Variants in MED29 observed in about 807,000 individuals in gnomAD.
MED29 encodes mediator complex subunit 29, also known as mediator of RNA polymerase II transcription subunit 29.
A neutral mutation model predicts 22.0 loss-of-function variants in MED29; 14 were observed. That is an observed-to-expected ratio of 0.64 (90% CI 0.42 to 0.99). The LOEUF (loss-of-function observed/expected upper bound fraction) is 0.99. Among genes scored for constraint, MED29 ranks in the 50% least tolerant of loss-of-function variants. The probability of loss-of-function intolerance (pLI) is 0.00; values close to 1 mark genes in which losing one functional copy is unlikely to be tolerated. For synonymous variants in MED29, 123 were observed against 107.8 expected, an observed-to-expected ratio of 1.14 and a Z score of -0.87; for missense variants, 241 against 253.7, an observed-to-expected ratio of 0.95 and a Z score of 0.34.
rs777308461 is a variant in MED29, at chr19:39,397,717, G to C, written c.*18G>C. ...CTCTGTGAAGTGGGGGACAGGGAGT[G>C]GGGCAGGCAGTGGTTGGTGGGTGGT... On this transcript the variant is annotated 3_prime_UTR_variant, in exon 4 of 4. Coordinates refer to ENST00000315588, the MANE Select transcript of MED29 (RefSeq NM_017592.4). 2 of 1,600,170 alleles carry C rather than the reference G, an allele frequency of 1.2e-6. No individual in the cohort carries two copies. Among genetic ancestry groups the C allele is most frequent in the South Asian group, 2.2e-5 (2 of 90,866 alleles).
rs2078435990 is a variant in MED29, at chr19:39,397,626, C to T, written c.530C>T (p.Ala177Val). The T allele has an allele frequency of 1.2e-6, 2 of 1,613,588 alleles. No homozygotes were observed. The highest frequency in any genetic ancestry group is 1.7e-6 in the Non-Finnish European group (2 of 1,180,000). Residue 177 changes from alanine (A) to valine (V), a missense_variant, in exon 4 of 4, where the codon GCC becomes GTC. Transcript: ENST00000315588. Reference sequence around the variant, plus strand: ...TCCTGTGCCAAGGACATTCACACCGCCCTGCTGGACTGTGCCAACAAGGTC... The same window carrying T: ...TCCTGTGCCAAGGACATTCACACCGTCCTGCTGGACTGTGCCAACAAGGTC... Reference protein sequence around the residue: ...QISCAKDIHTALLDCANKVTG... With the variant: ...QISCAKDIHTVLLDCANKVTG...
rs2078377582 is a variant in MED29 at position 39,391,458 on chromosome 19, C to T, written c.36C>T (p.Ser12=). ...AASQQQASAA[S]SAAGVSGPSS... Reference sequence around the variant, plus strand: ...CCCAGCAGCAAGCTTCAGCGGCTTCCTCAGCTGCTGGTGTATCGGGTCCTA... The same window carrying T: ...CCCAGCAGCAAGCTTCAGCGGCTTCTTCAGCTGCTGGTGTATCGGGTCCTA... The change falls in exon 1 of 4, where the codon TCC becomes TCT. Residue 12 remains serine, a synonymous_variant. Coordinates refer to ENST00000315588, the MANE Select transcript of MED29 (RefSeq NM_017592.4). 3 of 1,613,420 alleles carry T rather than the reference C, an allele frequency of 1.9e-6. No homozygotes were observed. Among genetic ancestry groups the T allele is most frequent in the African/African-American group, 1.3e-5 (1 of 74,938 alleles).
In MED29 at chr19:39,397,528, C is replaced by T. The variant is rs368745677; in HGVS notation, c.432C>T (p.Ala144=). The change falls in exon 4 of 4, where the codon GCC becomes GCT. Residue 144 remains alanine (A), a synonymous_variant. Coordinates refer to ENST00000315588, the MANE Select transcript of MED29 (RefSeq NM_017592.4). ...AKHSPTLVPT[A]TKPDAVQPDS... is the part of the protein sequence containing the mutation. ...ACTCTCCAACGTTGGTGCCCACAGC[C>T]ACCAAGCCCGACGCAGTGCAGCCTG... is the stretch of plus-strand genomic sequence containing the variant. The T allele has an allele frequency of 1.2e-6, 2 of 1,612,788 alleles. No individual in the cohort carries two copies. Among genetic ancestry groups the T allele is most frequent in the Admixed American group, 1.7e-5 (1 of 60,012 alleles).
intron 1 of MED29, among the ~76,000 whole-genome samples, chr19:39,391,936 A>G (rs1286379821): frequency 2.6e-5 from 4 of 152,172 alleles, no homozygotes; most frequent in South Asian, 2.1e-4. Flanking sequence ...GAGGCAGGAG[A>G]ATCGCTTGAA....
chr19:39,391,716 G>T (rs754759087), intron 1 of MED29, 78 bp downstream of exon 1: 14 of 1,475,126 alleles, frequency 9.5e-6, no homozygotes, highest in African/African-American at 1.4e-5. Flanking sequence ...GTTAGTCGGA[G>T]AGAGCGCTAA....
Position 39,391,429 on chromosome 19 carries a change from G to A in MED29, c.7G>A (p.Ala3Thr). ...GGCGGTCTACGCGAGGAAGATGGCT[G>A]CATCCCAGCAGCAAGCTTCAGCGGC... MA[A>T]SQQQASAASS... Residue 3 changes from alanine (A) to threonine (T), a missense_variant, in exon 1 of 4, where the codon GCA becomes ACA. Physicochemically the swap from Ala to Thr is moderately conservative, Grantham distance 58. Coordinates refer to ENST00000315588, the MANE Select transcript of MED29 (RefSeq NM_017592.4). 1 of 1,612,502 alleles carries A rather than the reference G, an allele frequency of 6.2e-7. No homozygotes were observed. The highest frequency in any genetic ancestry group is 1.7e-5 in the Admixed American group (1 of 59,986).
At chr19:39,396,896 C>T (rs1479232867) in intron 3 of MED29, among the ~76,000 whole-genome samples, 1 of 151,468 alleles carries the variant, frequency 6.6e-6, no homozygotes, top group African/African-American at 2.4e-5. Flanking sequence ...GGTGTGGTGG[C>T]GGGTGCCTGT....
Position 39,397,902 on chromosome 19 carries a change from A to G in MED29, c.*203A>G. On this transcript the variant is annotated 3_prime_UTR_variant, in exon 4 of 4. Coordinates refer to ENST00000315588, the MANE Select transcript of MED29 (RefSeq NM_017592.4). The stretch of plus-strand genomic sequence containing the variant: ...GCCCCTTCTTCCTGCTCCCCCTCCT[A>G]GCCTAGGGTAGACTTTGAACTGTGT... 2.5e-6 allele frequency: 2 copies of G among 798,778 alleles called. No homozygotes were observed. The highest frequency in any genetic ancestry group is 1.8e-5 in the South Asian group (1 of 54,454). The allele number at this position is 798,778 out of a possible 1,614,324, so 49.5% of individuals were successfully genotyped here.
In MED29 at chr19:39,400,093, T is replaced by A. The variant is rs193293164; in HGVS notation, c.*2394T>A. ...AAAAATGAGATCAGAAGTGGAGATG[T>A]TGGGGCCAGGCACAGTGGCCCAGGC... On this transcript the variant is annotated 3_prime_UTR_variant, in exon 4 of 4. Transcript: ENST00000315588. 1 of 152,198 alleles carries A rather than the reference T, an allele frequency of 6.6e-6. No individual in the cohort carries two copies. Among genetic ancestry groups the A allele is most frequent in the Non-Finnish European group, 1.5e-5 (1 of 68,034 alleles). 9.4% of individuals were successfully genotyped at this position (152,198 alleles called of 1,614,324 possible). A position where few individuals can be genotyped will look rare whatever the true frequency, so the allele number is the denominator to read the frequency against.
At position 39,397,811 on chromosome 19, in the gene MED29, C is replaced by A; in HGVS notation, c.*112C>A. ...CTCCTCTCTTCCTGCCTGAGCACCG[C>A]AGCGGGAGCCAGCAGGGGGCAGCAG... On this transcript the variant is annotated 3_prime_UTR_variant, in exon 4 of 4. Coordinates refer to ENST00000315588, the MANE Select transcript of MED29 (RefSeq NM_017592.4). 6.8e-7 allele frequency: 1 copy of A among 1,470,414 alleles called. No individual in the cohort carries two copies. The highest frequency in any genetic ancestry group is 9.0e-7 in the Non-Finnish European group (1 of 1,105,986). The allele number at this position is 1,470,414 out of a possible 1,614,324, so 91.1% of individuals were successfully genotyped here.
Position 39,399,221 on chromosome 19 carries a change from C to T in MED29, c.*1522C>T, listed in dbSNP as rs2078447572. On this transcript the variant is annotated 3_prime_UTR_variant, in exon 4 of 4. Transcript: ENST00000315588. ...GTGTTTGAATAACTGGGACTGTAGC[C>T]CGTCCAAGTTGACACATAAAACTGA... 1 of 152,214 alleles carries T rather than the reference C, an allele frequency of 6.6e-6. No individual in the cohort carries two copies. Among genetic ancestry groups the T allele is most frequent in the African/African-American group, 2.4e-5 (1 of 41,446 alleles). The allele number at this position is 152,214 out of a possible 1,614,324, so 9.4% of individuals were successfully genotyped here.
At chr19:39,391,999 T>G (rs2078386148) in intron 1 of MED29, among the ~76,000 whole-genome samples, 1 of 152,168 alleles carries the variant, frequency 6.6e-6, no homozygotes, top group South Asian at 2.1e-4. Flanking sequence ...CACTCCAGCC[T>G]GGGCAACAGA....
chr19:39,393,072 CTTTCTTTTCTTTTTTTTTTTTTTTTT>C (rs1323721865), intron 2 of MED29, among the ~76,000 whole-genome samples: 15 of 86,128 alleles, frequency 1.7e-4, no homozygotes, highest in African/African-American at 5.6e-4. Flanking sequence ...TTCTTTCTTT[CTTTCTTTTCTTTTTTTTTTTTTTTTT>C]TTTTTTTTTT....
At chr19:39,391,960 G>A (rs1181603446) in intron 1 of MED29, among the ~76,000 whole-genome samples, 2 of 152,202 alleles carry the variant, frequency 1.3e-5, no homozygotes, top group African/African-American at 2.4e-5. Flanking sequence ...AGGAGGCGGA[G>A]GTTGCAGTGA....
chr19:39,392,624 C>CTTTTT (rs11432802), intron 2 of MED29, 102 bp downstream of exon 2: 245 of 520,098 alleles, frequency 4.7e-4, no homozygotes, highest in African/African-American at 1.2e-3. Flanking sequence ...TCTATATTTA[C>CTTTTT]TTTTTTTTTT....
Position 39,397,911 on chromosome 19 carries a change from TA to T in MED29, c.*213del, listed in dbSNP as rs2078438782. On this transcript the variant is annotated 3_prime_UTR_variant, in exon 4 of 4. Coordinates refer to ENST00000315588, the MANE Select transcript of MED29 (RefSeq NM_017592.4). ...TCCTGCTCCCCCTCCTAGCCTAGGG[TA>T]GACTTTGAACTGTGTGTGTTGATGA... 6.5e-6 allele frequency: 5 copies of T among 770,784 alleles called. No homozygotes were observed. The highest frequency in any genetic ancestry group is 1.0e-5 in the Non-Finnish European group (5 of 492,310). 47.7% of individuals were successfully genotyped at this position (770,784 alleles called of 1,614,324 possible). A position where few individuals can be genotyped will look rare whatever the true frequency, so the allele number is the denominator to read the frequency against.
intron 2 of MED29, 30 bp downstream of exon 2, chr19:39,392,552 C>T: frequency 6.3e-7 from 1 of 1,590,088 alleles, no homozygotes; most frequent in Non-Finnish European, 8.6e-7. Context: ...CCAGGATATT[C>T]TATTGCCTTC....
chr19:39,397,831 C>T lies in MED29; in HGVS notation c.*132C>T. 4.2e-6 allele frequency: 6 copies of T among 1,424,780 alleles called. No homozygotes were observed. The South Asian group carries it at 7.0e-5, about 17-fold the overall frequency. 88.3% of individuals were successfully genotyped at this position (1,424,780 alleles called of 1,614,324 possible). ...CACCGCAGCGGGAGCCAGCAGGGGG[C>T]AGCAGAGGCCAACAGGGAGCTCGCA... On this transcript the variant is annotated 3_prime_UTR_variant, in exon 4 of 4. Coordinates refer to ENST00000315588, the MANE Select transcript of MED29 (RefSeq NM_017592.4).
intron 3 of MED29, among the ~76,000 whole-genome samples, chr19:39,395,875 C>T (rs1184000672): frequency 6.6e-6 from 1 of 152,012 alleles, no homozygotes; most frequent in Non-Finnish European, 1.5e-5. Flanking sequence ...CGAGATCGCA[C>T]CACTGCACTC....
Sources: gnomAD v4.1 joint callset for allele counts (sites outside exome capture counted in the v4.1 genomes callset) on GRCh38, gnomAD v4.1.1 for gene constraint, MANE v1.5 for transcripts, NCBI Gene and HGNC (gene_info 2026-07-23, HGNC 2026-07-21) for gene names.